Variants in EXT2 observed in about 807,000 individuals in gnomAD.
The protein encoded by EXT2 is exostosin glycosyltransferase 2.
A neutral mutation model predicts 81.6 loss-of-function variants in EXT2; 53 were observed. That is an observed-to-expected ratio of 0.65 (90% CI 0.52 to 0.82). The LOEUF (loss-of-function observed/expected upper bound fraction) is 0.82. Among genes scored for constraint, EXT2 ranks in the 40% least tolerant of loss-of-function variants. EXT2 has a pLI of 0.00. For missense variants in EXT2, 774 were observed against 910.2 expected (o/e 0.85, Z 1.93); for synonymous variants, 320 against 340.0 (o/e 0.94, Z 0.65).
intron 4 of EXT2, among the ~76,000 whole-genome samples, chr11:44,114,925 C>A (rs1380658448): frequency 6.6e-6 from 1 of 152,190 alleles, no homozygotes; most frequent in Non-Finnish European, 1.5e-5. Flanking sequence ...TTCTGGGCAG[C>A]AGACACATTC....
intron 7 of EXT2, among the ~76,000 whole-genome samples, chr11:44,150,555 A>G (rs1281516769): frequency 3.3e-5 from 5 of 152,230 alleles, no homozygotes; most frequent in African/African-American, 1.2e-4. Flanking sequence ...GTGATACACT[A>G]GATCTTGCAC....
At chr11:44,168,826 A>G (rs1955030814) in intron 7 of EXT2, among the ~76,000 whole-genome samples, 3 of 152,266 alleles carry the variant, frequency 2.0e-5, no homozygotes, top group Admixed American at 2.0e-4. Flanking sequence ...GAAATAAATA[A>G]CAAAATAAAT....
At chr11:44,122,027 C>G (rs1296773994) in intron 4 of EXT2, among the ~76,000 whole-genome samples, 1 of 152,118 alleles carries the variant, frequency 6.6e-6, no homozygotes, top group Non-Finnish European at 1.5e-5. Context: ...TGCCCTTCTG[C>G]CTGGACATCC....
intron 13 of EXT2, among the ~76,000 whole-genome samples, chr11:44,243,941 C>T (rs570063135): frequency 1.3e-5 from 2 of 152,224 alleles, no homozygotes; most frequent in South Asian, 4.2e-4. Context: ...TCCAAGTACC[C>T]CCAGTTCACC....
chr11:44,208,024 A>C (rs189822802), intron 10 of EXT2, among the ~76,000 whole-genome samples: 3 of 152,332 alleles, frequency 2.0e-5, no homozygotes, highest in Admixed American at 2.0e-4. Flanking sequence ...AATGAAAGGC[A>C]TGAGAGTAGC....
chr11:44,189,625 T>C (rs918805601), intron 8 of EXT2, among the ~76,000 whole-genome samples: 1 of 152,164 alleles, frequency 6.6e-6, no homozygotes, highest in Non-Finnish European at 1.5e-5. Context: ...ACTCACTCAC[T>C]GTCATGAGAA....
chr11:44,178,673 CTG>C (rs1347468267), intron 8 of EXT2, among the ~76,000 whole-genome samples: 1 of 152,148 alleles, frequency 6.6e-6, no homozygotes, highest in Non-Finnish European at 1.5e-5. Context: ...GGTTAACAGT[CTG>C]TGTAACTCAA....
At position 44,244,973 on chromosome 11, in the gene EXT2, C is replaced by A. The variant is rs573030871; in HGVS notation, c.*686C>A. 20 of 232,324 alleles carry A rather than the reference C, an allele frequency of 8.6e-5. 1 individual carries two copies. The South Asian group carries it at 3.6e-3, about 42-fold the overall frequency. 14.4% of individuals were successfully genotyped at this position (232,324 alleles called of 1,614,324 possible). Reference sequence around the variant, plus strand: ...CACCAATTCCTGATAGTCCAAGGAACCACCTTTCTCCCTTGATATATTTAA... The same window carrying A: ...CACCAATTCCTGATAGTCCAAGGAAACACCTTTCTCCCTTGATATATTTAA... On this transcript the variant is annotated 3_prime_UTR_variant, in exon 14 of 14. Transcript: ENST00000533608.
intron 1 of EXT2, among the ~76,000 whole-genome samples, chr11:44,105,830 T>G (rs1019334389): frequency 6.6e-6 from 1 of 152,210 alleles, no homozygotes; most frequent in Non-Finnish European, 1.5e-5. Flanking sequence ...TCAATAATGC[T>G]TATTGGCTGT....
At chr11:44,229,602 C>T (rs1955875316) in intron 10 of EXT2, among the ~76,000 whole-genome samples, 1 of 152,198 alleles carries the variant, frequency 6.6e-6, no homozygotes, top group African/African-American at 2.4e-5. Context: ...TGCAGTGTCT[C>T]ACCAAAAATG....
chr11:44,171,792 G>A lies in EXT2; in HGVS notation c.1305+50G>A, dbSNP rs750327870. On this transcript the variant is annotated intron_variant, in intron 8 of 13. Coordinates refer to ENST00000533608, the MANE Select transcript of EXT2 (RefSeq NM_207122.2). ...CATGAGGCATGGTCCAGCTGTCAGG[G>A]TGGGTGGAAGGAAAAATGTACTACA... 3.7e-6 allele frequency: 6 copies of A among 1,611,402 alleles called. No homozygotes were observed. The East Asian group carries it at 1.3e-4, about 36-fold the overall frequency.
At chr11:44,138,454 G>T (rs1954601151) in intron 7 of EXT2, among the ~76,000 whole-genome samples, 1 of 149,912 alleles carries the variant, frequency 6.7e-6, no homozygotes, top group Non-Finnish European at 1.5e-5. Context: ...CTGATGATTT[G>T]TTTTTTTTTC....
intron 3 of EXT2, among the ~76,000 whole-genome samples, chr11:44,110,107 T>C (rs934651503): frequency 1.3e-5 from 2 of 152,232 alleles, no homozygotes; most frequent in Non-Finnish European, 2.9e-5. Context: ...TTACAGTTGG[T>C]GTTTAACTCT....
chr11:44,156,348 A>AGAGGT, intron 7 of EXT2, among the ~76,000 whole-genome samples: 1 of 152,164 alleles, frequency 6.6e-6, no homozygotes, highest in Admixed American at 6.5e-5. Flanking sequence ...CTCTTCTTTA[A>AGAGGT]GGCCAATAAC....
Position 44,219,002 on chromosome 11 carries a change from T to C in EXT2, c.1662+12043T>C, listed in dbSNP as rs545555704. ...TTTACTAGAGATGGGGTTTTCACCA[T>C]GTTGGCCAGGCTGGTCTCAAACTCC... On this transcript the variant is annotated intron_variant, in intron 10 of 13. Coordinates refer to ENST00000533608, the MANE Select transcript of EXT2 (RefSeq NM_207122.2). 6.6e-5 allele frequency among the ~76,000 whole-genome samples: 10 copies of C among 152,036 alleles called. No individual in the cohort carries two copies. In the South Asian group the frequency reaches 2.1e-3, roughly 32 times the overall value.
chr11:44,139,951 G>A (rs1954623141), intron 7 of EXT2, among the ~76,000 whole-genome samples: 1 of 152,212 alleles, frequency 6.6e-6, no homozygotes, highest in African/African-American at 2.4e-5. Flanking sequence ...AGAAGGGATT[G>A]GGTGGTGGGG....
At chr11:44,141,549 G>A (rs1203480368) in intron 7 of EXT2, among the ~76,000 whole-genome samples, 3 of 152,316 alleles carry the variant, frequency 2.0e-5, no homozygotes, top group South Asian at 2.1e-4. Context: ...GGGTGTTATT[G>A]CTTATACTAT....
At chr11:44,168,034 G>A (rs1014036885) in intron 7 of EXT2, among the ~76,000 whole-genome samples, 6 of 142,682 alleles carry the variant, frequency 4.2e-5, no homozygotes, top group African/African-American at 1.3e-4. Context: ...AAGTGTTCTC[G>A]TAGTTCAATT....
intron 8 of EXT2, among the ~76,000 whole-genome samples, chr11:44,196,475 G>T (rs975109935): frequency 2.0e-5 from 3 of 152,042 alleles, no homozygotes; most frequent in Non-Finnish European, 4.4e-5. Context: ...TTAAATAGAT[G>T]TTGGACCTTC....
Sources: gnomAD v4.1 joint callset for allele counts (sites outside exome capture counted in the v4.1 genomes callset) on GRCh38, gnomAD v4.1.1 for gene constraint, MANE v1.5 for transcripts, NCBI Gene and HGNC (gene_info 2026-07-23, HGNC 2026-07-21) for gene names.